MAGED1: variants seen among roughly 807,000 people sequenced by gnomAD.
The protein encoded by MAGED1 is melanoma-associated antigen D1.
A neutral mutation model predicts 54.1 loss-of-function variants in MAGED1; 3 were observed. The observed-to-expected ratio is 0.06, with a 90% confidence interval of 0.03 to 0.14. MAGED1 has a LOEUF of 0.14. Ranked by LOEUF, MAGED1 falls within the 10% of genes least tolerant of loss-of-function variation. The pLI is 1.00. For missense variants in MAGED1, 485 were observed against 623.4 expected (o/e 0.78, Z 2.36); for synonymous variants, 217 against 227.3 (o/e 0.95, Z 0.41).
In MAGED1 at chrX:51,900,195, A is replaced by G. The variant is rs1557364757; in HGVS notation, c.1858A>G (p.Arg620Gly). The G allele has an allele frequency of 8.3e-7, 1 of 1,203,186 alleles. No individual in the cohort carries two copies. Among genetic ancestry groups the G allele is most frequent in the Non-Finnish European group, 1.1e-6 (1 of 889,963 alleles). Reference sequence around the variant, plus strand: ...TTGCTCTTTCAGATACCTGGACTACAGACGAGTGCCCAACAGCAACCCCCC... The same window carrying G: ...TTGCTCTTTCAGATACCTGGACTACGGACGAGTGCCCAACAGCAACCCCCC... ...EFVKQKYLDYRRVPNSNPPEY... is the reference protein window; with the variant it reads ...EFVKQKYLDYGRVPNSNPPEY... Residue 620 changes from arginine (R) to glycine (G), a missense_variant, in exon 11 of 13, where the codon AGA becomes GGA. By Grantham distance (125) the Arg-to-Gly change is moderately radical. Around this residue, in one of 2 missense-constraint regions of MAGED1, gnomAD observed 186 missense variants for 330.3 expected, o/e 0.56. Transcript: ENST00000326587.
chrX:51,862,606 A>G (rs1298739331), intron 1 of MAGED1, among the ~76,000 whole-genome samples: 2 of 111,585 alleles, frequency 1.8e-5, no homozygotes, highest in Non-Finnish European at 3.8e-5. Context: ...AAAAGCGAAC[A>G]CAAACCTAGT....
At position 51,852,434 on chromosome X, in the gene MAGED1, C is replaced by T. The variant is rs1298259208; in HGVS notation, c.-36-41835C>T. 2.5e-4 allele frequency among the ~76,000 whole-genome samples: 28 copies of T among 112,147 alleles called. No individual in the cohort carries two copies. In the Admixed American group the frequency reaches 2.6e-3, roughly 11 times the overall value. ...CTTACCACACCAGGTTAATGAATTA[C>T]CAAGTAAAATACCTAATTAGAATTA... On this transcript the variant is annotated intron_variant, in intron 1 of 12. Coordinates refer to the MAGED1 transcript ENST00000375772.
chrX:51,890,832 C>CAA (rs11393540), upstream of MAGED1, among the ~76,000 whole-genome samples: 103 of 62,817 alleles, frequency 1.6e-3, no homozygotes, highest in South Asian at 3.2e-3. Context: ...ATAAGATTGG[C>CAA]AAAAAAAAAA....
At position 51,856,759 on chromosome X, in the gene MAGED1, A is replaced by G. The variant is rs1489986491; in HGVS notation, c.-36-37510A>G. ...TATAGGTAAAGGAATGGCTGCAGGA[A>G]AGCTTGGCAGGGAAGAGTTGAATGT... On this transcript the variant is annotated intron_variant, in intron 1 of 12. Coordinates refer to the MAGED1 transcript ENST00000375772. Among the ~76,000 whole-genome samples the G allele has an allele frequency of 2.7e-5, 3 of 112,096 alleles. No individual in the cohort carries two copies. The East Asian group carries it at 8.4e-4, about 31-fold the overall frequency.
intron 1 of MAGED1, among the ~76,000 whole-genome samples, chrX:51,855,100 A>T (rs941405763): frequency 1.8e-5 from 2 of 111,897 alleles, no homozygotes; most frequent in Non-Finnish European, 3.8e-5. Context: ...GAGACATATC[A>T]CTGGGTCTCA....
chrX:51,823,839 T>C (rs1460353637), intron 1 of MAGED1, among the ~76,000 whole-genome samples: 1 of 111,557 alleles, frequency 9.0e-6, no homozygotes, highest in East Asian at 2.8e-4. Context: ...AACATCTCAA[T>C]TGATGAGAAT....
intron 1 of MAGED1, among the ~76,000 whole-genome samples, chrX:51,860,551 G>A (rs193026659): frequency 9.9e-4 from 110 of 111,514 alleles, no homozygotes; most frequent in African/African-American, 3.6e-3. Flanking sequence ...ATAAGGAGCA[G>A]GTTTGTGGGG....
chrX:51,836,616 C>G, intron 1 of MAGED1, among the ~76,000 whole-genome samples: 1 of 107,124 alleles, frequency 9.3e-6, no homozygotes, highest in Non-Finnish European at 1.9e-5. Context: ...GTCTCCCAGG[C>G]TGGAGTGCAG....
chrX:51,812,219 C>CA (rs1262324456), intron 1 of MAGED1, among the ~76,000 whole-genome samples: 6 of 109,926 alleles, frequency 5.5e-5, no homozygotes, highest in South Asian at 3.9e-4. Flanking sequence ...TGAATTTTGA[C>CA]AAAAAAAAGC....
chrX:51,841,315 A>T (rs1413498132), intron 1 of MAGED1, among the ~76,000 whole-genome samples: 1 of 109,970 alleles, frequency 9.1e-6, no homozygotes, highest in Non-Finnish European at 1.9e-5. Flanking sequence ...GTTTGAGTTC[A>T]TTGTAGATTC....
intron 1 of MAGED1, among the ~76,000 whole-genome samples, chrX:51,835,855 C>G (rs1240619149): frequency 9.0e-6 from 1 of 111,555 alleles, no homozygotes; most frequent in African/African-American, 3.3e-5. Context: ...GGGGACTTTA[C>G]CTGTGTATTA....
intron 1 of MAGED1, among the ~76,000 whole-genome samples, chrX:51,887,444 A>G (rs1434803668): frequency 8.9e-6 from 1 of 112,097 alleles, no homozygotes; most frequent in Non-Finnish European, 1.9e-5. Flanking sequence ...ATTTGAGACT[A>G]CTGACTATTA....
intron 1 of MAGED1, among the ~76,000 whole-genome samples, chrX:51,871,321 G>C (rs782343245): frequency 1.9e-5 from 2 of 106,379 alleles, no homozygotes; most frequent in Admixed American, 2.0e-4. Context: ...TGTGCACAAC[G>C]TGCAGGTTTG....
chrX:51,842,575 A>C (rs1389145481), intron 1 of MAGED1, among the ~76,000 whole-genome samples: 1 of 111,945 alleles, frequency 8.9e-6, no homozygotes, highest in African/African-American at 3.2e-5. Context: ...TCAGAAGCTC[A>C]TACAGCTGTA....
At chrX:51,850,451 C>T (rs1380634464) in intron 1 of MAGED1, among the ~76,000 whole-genome samples, 16 of 111,861 alleles carry the variant, frequency 1.4e-4, no homozygotes, top group Non-Finnish European at 2.8e-4. Flanking sequence ...TAAACAAATA[C>T]AAATTAATTT....
intron 10 of MAGED1, 175 bp from the exon 11 acceptor site, chrX:51,900,007 T>C: frequency 2.4e-6 from 1 of 423,216 alleles, no homozygotes. Context: ...CTTAGCGTTC[T>C]AGTGCAGGAA....
chrX:51,840,115 G>C (rs1926398427), intron 1 of MAGED1, among the ~76,000 whole-genome samples: 1 of 112,046 alleles, frequency 8.9e-6, no homozygotes, highest in South Asian at 3.7e-4. Flanking sequence ...GAATTTAGTT[G>C]TCAGCTATTA....
In MAGED1 at chrX:51,838,077, A is replaced by T. The variant is rs1445216991; in HGVS notation, c.-37+34960A>T. Reference sequence around the variant, plus strand: ...GGTTTTGAGGAATTTAACTTACTAGATTCAAGTTACGTGATTCCTGCTATC... The same window carrying T: ...GGTTTTGAGGAATTTAACTTACTAGTTTCAAGTTACGTGATTCCTGCTATC... On this transcript the variant is annotated intron_variant, in intron 1 of 12. Transcript: ENST00000375772. Among the ~76,000 whole-genome samples the T allele has an allele frequency of 1.3e-4, 15 of 112,310 alleles. No individual in the cohort carries two copies. In the Admixed American group the frequency reaches 1.4e-3, roughly 11 times the overall value.
chrX:51,841,659 G>C (rs1557358595), intron 1 of MAGED1, among the ~76,000 whole-genome samples: 1 of 111,693 alleles, frequency 9.0e-6, no homozygotes, highest in Non-Finnish European at 1.9e-5. Flanking sequence ...CATATGGCTA[G>C]CCAGTTTTCC....
Sources: gnomAD v4.1 joint callset for allele counts (sites outside exome capture counted in the v4.1 genomes callset) on GRCh38, gnomAD v4.1.1 for gene constraint, gnomAD v4.1.1 regional missense constraint, MANE v1.5 for transcripts, NCBI Gene and HGNC (gene_info 2026-07-23, HGNC 2026-07-21) for gene names.